LRTM3: variants seen among roughly 807,000 people sequenced by gnomAD.
LRTM3 encodes the protein leucine rich repeat transmembrane protein 3, also known as leucine-rich repeat transmembrane protein 3.
chr13:102,744,588 T>A, the LRTM3 span: 40 of 1,550,686 alleles, frequency 2.6e-5, 1 homozygote, highest in South Asian at 4.5e-4. Context: ...TTTTGCACTA[T>A]GTGAGACAAA....
chr13:102,751,762 C>A, the LRTM3 span, among the ~76,000 whole-genome samples: 3 of 152,080 alleles, frequency 2.0e-5, no homozygotes, highest in Non-Finnish European at 4.4e-5. Context: ...ATCTACCCAA[C>A]CACAAAAATT....
chr13:102,740,401 AT>A, the LRTM3 span: 7 of 1,550,106 alleles, frequency 4.5e-6, no homozygotes, highest in Non-Finnish European at 8.7e-7. Context: ...GGCTTGATAA[AT>A]TACCTCCTTC....
chr13:102,732,618 G>A, the LRTM3 span: 15 of 1,551,104 alleles, frequency 9.7e-6, no homozygotes, highest in East Asian at 4.9e-5. Flanking sequence ...TTCTCCCTAT[G>A]AGTGATGACT....
the LRTM3 span, chr13:102,741,827 T>C: frequency 6.4e-7 from 1 of 1,550,422 alleles, no homozygotes; most frequent in Non-Finnish European, 8.7e-7. Flanking sequence ...AAGTTCTTCA[T>C]CTGTTCTAAT....
At chr13:102,745,020 T>G in the LRTM3 span, 1 of 1,550,924 alleles carries the variant, frequency 6.4e-7, no homozygotes, top group Non-Finnish European at 8.7e-7. Flanking sequence ...GAATTTACTG[T>G]ACATATTGTG....
At chr13:102,732,126 T>C in the LRTM3 span, 3 of 1,551,326 alleles carry the variant, frequency 1.9e-6, no homozygotes, top group Non-Finnish European at 2.6e-6. Context: ...TTTACAATTG[T>C]TAAAGTGTCT....
the LRTM3 span, chr13:102,736,057 T>C: frequency 6.5e-7 from 1 of 1,544,030 alleles, no homozygotes; most frequent in Non-Finnish European, 8.8e-7. Flanking sequence ...CCTTTGCCTC[T>C]TTATATGGCA....
chr13:102,739,096 A>T, the LRTM3 span: 1 of 1,550,486 alleles, frequency 6.4e-7, no homozygotes, highest in East Asian at 2.4e-5. Context: ...TTATTCTAGG[A>T]TTCCATTCCA....
chr13:102,752,124 C>T, the LRTM3 span, among the ~76,000 whole-genome samples: 2 of 152,152 alleles, frequency 1.3e-5, no homozygotes, highest in African/African-American at 2.4e-5. Flanking sequence ...TGGTTCTGCC[C>T]AGTCTAGGAA....
the LRTM3 span, chr13:102,741,890 G>C: frequency 1.3e-6 from 2 of 1,550,200 alleles, no homozygotes; most frequent in Non-Finnish European, 8.7e-7. Flanking sequence ...AATCCTTAAC[G>C]GTCCAATATA....
chr13:102,730,552 T>C, the LRTM3 span: 24 of 1,551,850 alleles, frequency 1.5e-5, no homozygotes, highest in Non-Finnish European at 2.1e-5. Context: ...CTGAAAGAAC[T>C]TGAGTATCTT....
the LRTM3 span, chr13:102,740,616 G>A: frequency 6.5e-7 from 1 of 1,548,680 alleles, no homozygotes. Flanking sequence ...TCTCTTGTCT[G>A]TGAAGTTAAA....
At chr13:102,729,627 A>T in the LRTM3 span, 1 of 1,548,494 alleles carries the variant, frequency 6.5e-7, no homozygotes, top group South Asian at 1.2e-5. Flanking sequence ...ACCTCCAGTG[A>T]GTCTGCCGGT....
At chr13:102,742,080 C>G in the LRTM3 span, 1 of 1,550,424 alleles carries the variant, frequency 6.4e-7, no homozygotes, top group South Asian at 1.2e-5. Context: ...TTTGGCTTGT[C>G]TTTCTCCATT....
chr13:102,744,618 G>A, the LRTM3 span: 4 of 1,550,556 alleles, frequency 2.6e-6, no homozygotes, highest in African/African-American at 5.5e-5. Context: ...CTGCCTTCGG[G>A]ACTCTTCGGT....
At chr13:102,735,381 G>A in the LRTM3 span, 189 of 1,551,138 alleles carry the variant, frequency 1.2e-4, no homozygotes, top group Non-Finnish European at 1.6e-4. Flanking sequence ...TCCTTGGACC[G>A]TGACTGTGGG....
the LRTM3 span, chr13:102,737,179 T>C: frequency 1.7e-5 from 26 of 1,550,978 alleles, no homozygotes; most frequent in African/African-American, 3.0e-4. Context: ...TTACTGTTTT[T>C]CCTCTATCTA....
chr13:102,737,820 G>A, the LRTM3 span: 2 of 1,550,692 alleles, frequency 1.3e-6, no homozygotes, highest in Non-Finnish European at 1.7e-6. Context: ...ATTATTCCTT[G>A]TTGGTCTTCC....
chr13:102,747,970 T>C, the LRTM3 span: 1 of 1,551,252 alleles, frequency 6.4e-7, no homozygotes. Flanking sequence ...CCTGTTCCTT[T>C]CTATCACATT....
Sources: allele counts gnomAD v4.1 joint callset (sites outside exome capture counted in the v4.1 genomes callset), GRCh38; gene constraint gnomAD v4.1.1; transcripts MANE v1.5; gene names NCBI Gene and HGNC (gene_info 2026-07-23, HGNC 2026-07-21).